The following LSAMP variants were observed in gnomAD, a reference collection of about 807,000 sequenced individuals.
The protein encoded by LSAMP is limbic system-associated membrane protein.
LSAMP carries 7 observed loss-of-function variants against 38.6 expected under a neutral mutation model. That is an observed-to-expected ratio of 0.18 (90% CI 0.10 to 0.34). The LOEUF (loss-of-function observed/expected upper bound fraction) is 0.34. LSAMP is among the 10% of genes least tolerant of loss of function. The pLI is 1.00. For synonymous variants in LSAMP, 154 were observed against 166.8 expected (o/e 0.92, Z 0.59); for missense variants, 313 against 420.0 (o/e 0.75, Z 2.23).
At chr3:115,992,076 CAGTAT>C (rs1939685777) in intron 3 of LSAMP, among the ~76,000 whole-genome samples, 1 of 152,000 alleles carries the variant, frequency 6.6e-6, no homozygotes, top group Non-Finnish European at 1.5e-5. Context: ...TCTTTGCCTC[CAGTAT>C]ACTTTGAGAA....
At chr3:115,834,614 A>T in intron 6 of LSAMP, 2 of 1,218,936 alleles carry the variant, frequency 1.6e-6, no homozygotes, top group Non-Finnish European at 2.1e-6. Flanking sequence ...GGGAAAAAAT[A>T]GTAATCATCA....
At chr3:116,025,124 T>C (rs1047508627) in intron 2 of LSAMP, among the ~76,000 whole-genome samples, 3 of 152,122 alleles carry the variant, frequency 2.0e-5, no homozygotes, top group Non-Finnish European at 4.4e-5. Context: ...GCTGAATTAT[T>C]GCAGCATTGT....
chr3:116,195,575 T>C (rs1020249651), intron 1 of LSAMP, among the ~76,000 whole-genome samples: 2 of 152,194 alleles, frequency 1.3e-5, no homozygotes, highest in Non-Finnish European at 2.9e-5. Flanking sequence ...GTCTAAACTA[T>C]GAACAAGAAG....
At chr3:116,303,611 T>A (rs2047443753) in intron 1 of LSAMP, among the ~76,000 whole-genome samples, 1 of 152,186 alleles carries the variant, frequency 6.6e-6, no homozygotes, top group African/African-American at 2.4e-5. Flanking sequence ...TCAACAGATA[T>A]TCACCAACAT....
At chr3:116,258,678 T>C (rs1456551238) in intron 1 of LSAMP, among the ~76,000 whole-genome samples, 1 of 152,024 alleles carries the variant, frequency 6.6e-6, no homozygotes. Context: ...TAGCGGCCAA[T>C]AGGAAAATTA....
At chr3:116,065,406 A>C (rs9836963) in intron 2 of LSAMP, among the ~76,000 whole-genome samples, 1 of 152,144 alleles carries the variant, frequency 6.6e-6, no homozygotes, top group East Asian at 1.9e-4. Flanking sequence ...TATTTGGTTG[A>C]TATCTGTGAA....
intron 1 of LSAMP, among the ~76,000 whole-genome samples, chr3:116,290,241 G>A (rs1305056768): frequency 1.3e-5 from 2 of 152,140 alleles, no homozygotes; most frequent in African/African-American, 4.8e-5. Context: ...GTTTATAGGA[G>A]ACACTGTATG....
intron 1 of LSAMP, among the ~76,000 whole-genome samples, chr3:116,089,166 T>C (rs1431728376): frequency 6.6e-6 from 1 of 152,206 alleles, no homozygotes; most frequent in Non-Finnish European, 1.5e-5. Flanking sequence ...AAAGAAGTAA[T>C]TGACCATTTC....
intron 6 of LSAMP, among the ~76,000 whole-genome samples, chr3:115,822,152 T>C (rs1934260721): frequency 6.6e-6 from 1 of 152,170 alleles, no homozygotes; most frequent in Non-Finnish European, 1.5e-5. Flanking sequence ...ATTAGAGCTT[T>C]TGATATTCTC....
At chr3:116,167,028 T>A (rs1312122878) in intron 1 of LSAMP, among the ~76,000 whole-genome samples, 1 of 152,116 alleles carries the variant, frequency 6.6e-6, no homozygotes, top group Non-Finnish European at 1.5e-5. Context: ...CCTGACCTCG[T>A]GATCCGCCCG....
At chr3:116,013,530 A>G (rs1017182839) in intron 3 of LSAMP, among the ~76,000 whole-genome samples, 1 of 152,164 alleles carries the variant, frequency 6.6e-6, no homozygotes, top group African/African-American at 2.4e-5. Flanking sequence ...CTGAGACTAT[A>G]CTGGGAAAGT....
chr3:116,225,477 A>G (rs544515720), intron 1 of LSAMP, among the ~76,000 whole-genome samples: 1 of 152,288 alleles, frequency 6.6e-6, no homozygotes, highest in East Asian at 1.9e-4. Context: ...ACCACCCAGT[A>G]TGTGGTAATT....
intron 1 of LSAMP, among the ~76,000 whole-genome samples, chr3:116,266,861 C>T (rs2046898539): frequency 6.6e-6 from 1 of 152,128 alleles, no homozygotes; most frequent in South Asian, 2.1e-4. Context: ...GGCAAAAACA[C>T]AGCAACACTA....
chr3:116,427,900 A>C (rs756441762), intron 1 of LSAMP, among the ~76,000 whole-genome samples: 1 of 152,188 alleles, frequency 6.6e-6, no homozygotes, highest in African/African-American at 2.4e-5. Flanking sequence ...AACTCAGAGC[A>C]TTCTCTTAAT....
chr3:116,073,799 A>G (rs557229618), intron 2 of LSAMP, among the ~76,000 whole-genome samples: 2 of 152,344 alleles, frequency 1.3e-5, no homozygotes, highest in East Asian at 3.9e-4. Flanking sequence ...ATAAAACATG[A>G]TAGTTAATGT....
chr3:115,873,988 T>C (rs1936115990), intron 3 of LSAMP, among the ~76,000 whole-genome samples: 1 of 152,158 alleles, frequency 6.6e-6, no homozygotes, highest in African/African-American at 2.4e-5. Context: ...ATGCAGAGCC[T>C]CTATGTAATA....
chr3:116,421,430 C>G (rs2049123234), intron 1 of LSAMP, among the ~76,000 whole-genome samples: 1 of 151,590 alleles, frequency 6.6e-6, no homozygotes, highest in Admixed American at 6.6e-5. Flanking sequence ...GTTGGCTGGG[C>G]ATGGTGGTGG....
At chr3:116,272,048 T>C (rs1017718763) in intron 1 of LSAMP, among the ~76,000 whole-genome samples, 2 of 152,030 alleles carry the variant, frequency 1.3e-5, no homozygotes, top group African/African-American at 4.8e-5. Flanking sequence ...GATGTAAAGA[T>C]GGAAGGAATT....
At chr3:116,290,303 A>T (rs1027069442) in intron 1 of LSAMP, among the ~76,000 whole-genome samples, 2 of 152,190 alleles carry the variant, frequency 1.3e-5, no homozygotes, top group African/African-American at 4.8e-5. Context: ...TCTTACATTG[A>T]CACAGGGAAA....
Sources: allele counts gnomAD v4.1 joint callset (sites outside exome capture counted in the v4.1 genomes callset), GRCh38; gene constraint gnomAD v4.1.1; transcripts MANE v1.5; gene names NCBI Gene and HGNC (gene_info 2026-07-23, HGNC 2026-07-21).